USP25: variants seen among roughly 807,000 people sequenced by gnomAD.
USP25 encodes ubiquitin specific peptidase 25.
In USP25, 85 loss-of-function variants were observed where a neutral mutation model predicts 158.5. The ratio of observed to expected loss-of-function variants is 0.54; its 90% CI spans 0.45 to 0.64. The LOEUF is 0.64. Among genes scored for constraint, USP25 ranks in the 30% least tolerant of loss-of-function variants. The pLI, the probability that USP25 is intolerant of heterozygous loss-of-function variation, is 0.00. For synonymous variants in USP25, 464 were observed against 460.4 expected (o/e 1.01, Z -0.10); for missense variants, 1,242 against 1,327.3 (o/e 0.94, Z 1.00).
At position 15,864,442 on chromosome 21, in the gene USP25, G is replaced by A. The variant is rs1601171055; in HGVS notation, c.2722G>A (p.Glu908Lys). ...TGGAGATAGAAATTTGAGTTTTGATGAAAGGTAATTTGAAAGTATAAAATT... is the reference window on the plus strand; with the variant it reads ...TGGAGATAGAAATTTGAGTTTTGATAAAAGGTAATTTGAAAGTATAAAATT... ...QFGDRNLSFDERCHNIMKVAQ... is the reference protein window; with the variant it reads ...QFGDRNLSFDKRCHNIMKVAQ... Residue 908 changes from glutamate to lysine, a missense_variant, in exon 21 of 26, where the codon GAA (glutamate) becomes AAA (lysine). Glu to Lys is a moderately conservative substitution (Grantham distance 56). Transcript: ENST00000400183. 1 of 1,592,828 alleles carries A rather than the reference G, an allele frequency of 6.3e-7. No individual in the cohort carries two copies.
In USP25 at chr21:15,766,549, C is replaced by T. The variant is rs915423879; in HGVS notation, c.268+408C>T. On this transcript the variant is annotated intron_variant, in intron 3 of 25. Coordinates refer to ENST00000400183, the MANE Select transcript of USP25 (RefSeq NM_001283041.3). This position sits in a 1 kb window ranked among gnomAD's most constrained non-coding sequence, Gnocchi z 4.0. ...TACCATTTAATAAAATTTCCCTTCC[C>T]TTTCCCCCTGCTTCCAAATAAAGCT... Among the ~76,000 whole-genome samples the T allele has an allele frequency of 5.9e-5, 9 of 151,942 alleles. No individual in the cohort carries two copies. Among genetic ancestry groups the T allele is most frequent in the Non-Finnish European group, 8.8e-5 (6 of 67,912 alleles).
intron 3 of USP25, among the ~76,000 whole-genome samples, chr21:15,769,622 G>A (rs1276150223): frequency 2.0e-5 from 3 of 152,062 alleles, no homozygotes; most frequent in African/African-American, 7.2e-5. Context: ...AGCATTATAG[G>A]TGTGATTAAT....
At chr21:15,758,414 C>T (rs1402881380) in intron 1 of USP25, among the ~76,000 whole-genome samples, 2 of 152,080 alleles carry the variant, frequency 1.3e-5, no homozygotes, top group Non-Finnish European at 2.9e-5. Flanking sequence ...ATCCTGTTCT[C>T]ATGATAGTGA....
At position 15,831,522 on chromosome 21, in the gene USP25, C is replaced by T; in HGVS notation, c.1886C>T (p.Thr629Ile). The part of the protein sequence containing the change: ...RWMKYNDIAV[T>I]KSSWEELVRD... ...ATGAAGTACAATGATATTGCTGTGA[C>T]AAAATCATCATGGGAAGAGCTAGTG... The change falls in exon 16 of 26, where the codon ACA becomes ATA. Residue 629 changes from threonine to isoleucine, a missense_variant. Coordinates refer to ENST00000400183, the MANE Select transcript of USP25 (RefSeq NM_001283041.3). 1 of 1,614,052 alleles carries T rather than the reference C, an allele frequency of 6.2e-7. No individual in the cohort carries two copies. The highest frequency in any genetic ancestry group is 1.1e-5 in the South Asian group (1 of 91,078).
At chr21:15,808,708 T>C (rs896271434) in intron 7 of USP25, 101 bp from the exon 8 acceptor site, 7 of 721,366 alleles carry the variant, frequency 9.7e-6, no homozygotes, top group Non-Finnish European at 1.5e-5. Flanking sequence ...AAGGAGTTGG[T>C]AATTATATAT....
chr21:15,792,541 T>C (rs1286710368), intron 5 of USP25, among the ~76,000 whole-genome samples: 1 of 151,730 alleles, frequency 6.6e-6, no homozygotes, highest in Non-Finnish European at 1.5e-5. Flanking sequence ...ATGCTATTTT[T>C]TGTATTCAAA....
chr21:15,812,362 T>C (rs1327363649), intron 9 of USP25, among the ~76,000 whole-genome samples: 1 of 152,030 alleles, frequency 6.6e-6, no homozygotes, highest in African/African-American at 2.4e-5. Context: ...AATATTTAAT[T>C]TGTTGGCTGG....
At chr21:15,773,474 T>G (rs889922201) in intron 3 of USP25, among the ~76,000 whole-genome samples, 3 of 147,270 alleles carry the variant, frequency 2.0e-5, no homozygotes, top group Non-Finnish European at 3.0e-5. Context: ...GGTCTTCTGG[T>G]TTTTTTTTTT....
At chr21:15,854,777 C>T (rs1291243910) in intron 20 of USP25, among the ~76,000 whole-genome samples, 1 of 152,066 alleles carries the variant, frequency 6.6e-6, no homozygotes, top group Non-Finnish European at 1.5e-5. Context: ...GCCATCATCC[C>T]ACGTGAACGT....
At chr21:15,739,063 C>A (rs1411749566) in intron 1 of USP25, among the ~76,000 whole-genome samples, 1 of 152,202 alleles carries the variant, frequency 6.6e-6, no homozygotes, top group Non-Finnish European at 1.5e-5. Context: ...CTGATGCCCC[C>A]AGCCGAATAA....
chr21:15,769,966 G>A (rs1047636917), intron 3 of USP25, among the ~76,000 whole-genome samples: 7 of 147,976 alleles, frequency 4.7e-5, no homozygotes, highest in Non-Finnish European at 9.0e-5. Context: ...TTTATAAGCC[G>A]TTTTTTTTTT....
At chr21:15,847,918 T>C in intron 19 of USP25, 142 bp downstream of exon 19, 1 of 445,018 alleles carries the variant, frequency 2.2e-6, no homozygotes, top group Non-Finnish European at 4.0e-6. Context: ...AAAATTACTT[T>C]ACCAATTATT....
At chr21:15,846,144 ATATATATATATATATTTT>A (rs1568882525) in intron 18 of USP25, among the ~76,000 whole-genome samples, 2 of 58,766 alleles carry the variant, frequency 3.4e-5, no homozygotes, top group African/African-American at 2.0e-4. Context: ...ATATATATAT[ATATATATATATATATTTT>A]TTTTTTTTTT....
intron 5 of USP25, among the ~76,000 whole-genome samples, chr21:15,799,059 T>C (rs1313487639): frequency 6.6e-6 from 1 of 151,318 alleles, no homozygotes; most frequent in Non-Finnish European, 1.5e-5. Flanking sequence ...GAAAATACTC[T>C]GATGTATTTA....
intron 5 of USP25, 31 bp downstream of exon 5, chr21:15,791,695 T>C: frequency 1.3e-6 from 2 of 1,584,030 alleles, no homozygotes; most frequent in Non-Finnish European, 1.7e-6. Flanking sequence ...AGTTCTTATT[T>C]GATGTGTGTG....
rs1250416947 is a variant in USP25, at chr21:15,805,168, A to G, written c.690A>G (p.Ala230=). The G allele has an allele frequency of 6.8e-6, 11 of 1,608,354 alleles. No individual in the cohort carries two copies. Among genetic ancestry groups the G allele is most frequent in the Admixed American group, 1.7e-5 (1 of 58,902 alleles). ...TGCGTGAGCTGAGGTATCTATTTGC[A>G]CTTCTTGTTGGTACCAAAAGGAAGT... ...PFMRELRYLF[A]LLVGTKRKYV... Residue 230 remains alanine, a synonymous_variant, in exon 7 of 26, where the codon GCA becomes GCG. Transcript: ENST00000400183.
intron 1 of USP25, among the ~76,000 whole-genome samples, chr21:15,738,079 A>G (rs770167516): frequency 6.6e-6 from 1 of 152,164 alleles, no homozygotes; most frequent in Non-Finnish European, 1.5e-5. Context: ...TGCTTTATTG[A>G]AAAGTTAATG....
chr21:15,776,493 T>C (rs1474324015), intron 3 of USP25, among the ~76,000 whole-genome samples: 2 of 152,050 alleles, frequency 1.3e-5, no homozygotes, highest in African/African-American at 2.4e-5. Context: ...AAATATATAA[T>C]ATGCTTTTCT....
chr21:15,835,516 T>C (rs991842359), intron 17 of USP25, among the ~76,000 whole-genome samples: 7 of 152,218 alleles, frequency 4.6e-5, no homozygotes, highest in African/African-American at 1.7e-4. Context: ...GACCATACAC[T>C]TTACATGGTG....
Sources: allele counts gnomAD v4.1 joint callset (sites outside exome capture counted in the v4.1 genomes callset), GRCh38; gene constraint gnomAD v4.1.1; non-coding constraint Gnocchi (gnomAD v3.1); transcripts MANE v1.5; gene names NCBI Gene and HGNC (gene_info 2026-07-23, HGNC 2026-07-21).